Variants in DPYD observed in about 807,000 individuals in gnomAD.
The protein encoded by DPYD is dihydropyrimidine dehydrogenase [NADP(+)].
Under a neutral mutation model 116.2 loss-of-function variants are expected in DPYD, and 109 were observed. The ratio of observed to expected loss-of-function variants is 0.94; its 90% CI spans 0.80 to 1.10. The LOEUF is 1.10. Ranked by LOEUF, DPYD falls within the 50% of genes least tolerant of loss-of-function variation. The pLI is 0.00. For missense variants in DPYD, 1,302 were observed against 1,254.5 expected (o/e 1.04, Z -0.57); for synonymous variants, 440 against 432.0 (o/e 1.02, Z -0.23).
intron 20 of DPYD, among the ~76,000 whole-genome samples, chr1:97,188,484 G>C (rs1181067269): frequency 6.6e-6 from 1 of 152,156 alleles, no homozygotes. Flanking sequence ...GCAAACTCCA[G>C]TATGAATAAG....
chr1:97,195,136 A>G (rs1413228), intron 19 of DPYD, among the ~76,000 whole-genome samples: 19,946 of 152,072 alleles, frequency 0.13, 1,690 homozygotes, highest in African/African-American at 0.24. Context: ...AAAATTTACA[A>G]CATGAATTCA....
At chr1:97,205,622 T>C (rs1659536815) in intron 19 of DPYD, among the ~76,000 whole-genome samples, 1 of 152,140 alleles carries the variant, frequency 6.6e-6, no homozygotes, top group South Asian at 2.1e-4. Flanking sequence ...AAATAAATAA[T>C]TCCTTAGTGT....
At chr1:97,764,819 G>A (rs77289816) in intron 3 of DPYD, among the ~76,000 whole-genome samples, 2,711 of 152,136 alleles carry the variant, frequency 0.018, 85 homozygotes, top group African/African-American at 0.062. Context: ...TGAAAGCGAT[G>A]TTAATTTTAA....
At chr1:97,161,268 TA>T (rs1655876477) in intron 20 of DPYD, among the ~76,000 whole-genome samples, 1 of 152,160 alleles carries the variant, frequency 6.6e-6, no homozygotes, top group African/African-American at 2.4e-5. Context: ...TATATACCAC[TA>T]TTGTTGAATG....
chr1:97,573,983 A>G lies in DPYD; in HGVS notation c.1129-13T>C. ...TAGCAAGTTCCATCTAAAACAAAAC[A>G]GAACAGAGAAGAAACTTGAAAATGT... On this transcript the variant is annotated splice_polypyrimidine_tract_variant and intron_variant, in intron 10 of 22. Coordinates refer to ENST00000370192, the MANE Select transcript of DPYD (RefSeq NM_000110.4). The G allele has an allele frequency of 2.5e-6, 4 of 1,612,792 alleles. No homozygotes were observed. The highest frequency in any genetic ancestry group is 3.4e-6 in the Non-Finnish European group (4 of 1,179,248).
chr1:97,208,581 C>T (rs1016193841), intron 19 of DPYD, among the ~76,000 whole-genome samples: 2 of 151,978 alleles, frequency 1.3e-5, no homozygotes, highest in African/African-American at 4.8e-5. Context: ...CACTGCACTT[C>T]GCCAAGGGAG....
At chr1:97,849,596 ACCT>A (rs1467533255) in intron 2 of DPYD, among the ~76,000 whole-genome samples, 1 of 152,086 alleles carries the variant, frequency 6.6e-6, no homozygotes, top group Non-Finnish European at 1.5e-5. Context: ...CTAGATGTGA[ACCT>A]TAGAAGTTTG....
At chr1:97,698,298 T>C (rs937679006) in intron 6 of DPYD, among the ~76,000 whole-genome samples, 1 of 151,928 alleles carries the variant, frequency 6.6e-6, no homozygotes, top group Non-Finnish European at 1.5e-5. Flanking sequence ...TACATCAATA[T>C]TTATGTTAAT....
chr1:97,383,103 C>G (rs78903448), intron 14 of DPYD, among the ~76,000 whole-genome samples: 4,013 of 152,240 alleles, frequency 0.026, 174 homozygotes, highest in African/African-American at 0.092. Context: ...GACTCTGTCA[C>G]TTACTTGTGG....
intron 11 of DPYD, among the ~76,000 whole-genome samples, chr1:97,569,063 T>G (rs1382155811): frequency 6.6e-6 from 1 of 152,122 alleles, no homozygotes; most frequent in East Asian, 1.9e-4. Context: ...TCTGAAAGCA[T>G]ATTCAACAAA....
chr1:97,335,297 A>G (rs964459495), intron 16 of DPYD, among the ~76,000 whole-genome samples: 2 of 110,362 alleles, frequency 1.8e-5, no homozygotes, highest in Admixed American at 2.0e-4. Flanking sequence ...TATGGAGTTA[A>G]GTACACACAC....
chr1:97,621,519 T>C (rs1345423873), intron 8 of DPYD, among the ~76,000 whole-genome samples: 1 of 151,600 alleles, frequency 6.6e-6, no homozygotes, highest in East Asian at 1.9e-4. Flanking sequence ...AATTAACATA[T>C]TTGTACATAA....
chr1:97,757,960 C>T (rs1224035387), intron 3 of DPYD, among the ~76,000 whole-genome samples: 1 of 152,176 alleles, frequency 6.6e-6, no homozygotes, highest in East Asian at 1.9e-4. Context: ...GTCTGCACTA[C>T]TGAATTCTCA....
rs763174477 is a variant in DPYD at position 97,193,180 on chromosome 1, C to T, written c.2511G>A (p.Leu837=). The T allele has an allele frequency of 3.1e-6, 5 of 1,613,866 alleles. No homozygotes were observed. The highest frequency in any genetic ancestry group is 4.2e-6 in the Non-Finnish European group (5 of 1,179,962). ...GTTCTTCAATGCTTTTCAGATAAAG[C>T]AGGGCTTTGAGGCCAGTGCAGTAGT... ...IEDYCTGLKA[L]LYLKSIEELQ... The change falls in exon 20 of 23, where the codon CTG becomes CTA. Residue 837 remains leucine (L), a synonymous_variant. Coordinates refer to ENST00000370192, the MANE Select transcript of DPYD (RefSeq NM_000110.4).
intron 13 of DPYD, among the ~76,000 whole-genome samples, chr1:97,475,125 G>C (rs567363003): frequency 1.3e-5 from 2 of 152,006 alleles, no homozygotes; most frequent in African/African-American, 4.8e-5. Flanking sequence ...CAATGATTGC[G>C]GCATCATTTT....
chr1:97,668,423 T>G (rs568318296), intron 8 of DPYD, among the ~76,000 whole-genome samples: 30 of 152,256 alleles, frequency 2.0e-4, no homozygotes, highest in African/African-American at 7.2e-4. Context: ...GAATTAAACA[T>G]GACTTTGCAC....
chr1:97,881,965 T>C (rs1397624483), intron 2 of DPYD, among the ~76,000 whole-genome samples: 3 of 151,666 alleles, frequency 2.0e-5, no homozygotes, highest in Non-Finnish European at 4.4e-5. Context: ...CATATGTAAC[T>C]AACCTGCACA....
At chr1:97,551,512 T>C (rs1433871251) in intron 11 of DPYD, among the ~76,000 whole-genome samples, 1 of 152,142 alleles carries the variant, frequency 6.6e-6, no homozygotes, top group African/African-American at 2.4e-5. Flanking sequence ...TGATCTTATG[T>C]TTCCAAAACT....
intron 12 of DPYD, among the ~76,000 whole-genome samples, chr1:97,537,883 T>A (rs1650134937): frequency 6.6e-6 from 1 of 152,274 alleles, no homozygotes; most frequent in Middle Eastern, 3.4e-3. Flanking sequence ...CTAAAATCAC[T>A]TTTTAAAAGT....
Sources: allele counts gnomAD v4.1 joint callset (sites outside exome capture counted in the v4.1 genomes callset), GRCh38; gene constraint gnomAD v4.1.1; transcripts MANE v1.5; gene names NCBI Gene and HGNC (gene_info 2026-07-23, HGNC 2026-07-21).